TNIK: variants seen among roughly 807,000 people sequenced by gnomAD.
TNIK encodes the protein TRAF2 and NCK-interacting protein kinase.
In TNIK, 49 loss-of-function variants were observed where a neutral mutation model predicts 191.3. The observed-to-expected ratio is 0.26, with a 90% CI of 0.20 to 0.32. TNIK has a LOEUF of 0.32. Ranked by LOEUF, TNIK falls within the 10% of genes least tolerant of loss-of-function variation. TNIK has a pLI of 1.00. For synonymous variants in TNIK, 594 were observed against 600.9 expected, an observed-to-expected ratio of 0.99 and a Z score of 0.17; for missense variants, 1,155 against 1,702.3, an observed-to-expected ratio of 0.68 and a Z score of 5.66.
At chr3:171,085,061 G>C in intron 25 of TNIK, 57 bp downstream of exon 25, 2 of 1,389,828 alleles carry the variant, frequency 1.4e-6, no homozygotes, top group East Asian at 2.5e-5. Flanking sequence ...TCCTTATCAG[G>C]TCATACCAGA....
In TNIK at chr3:171,071,441, C is replaced by T. The variant is rs551614689; in HGVS notation, c.3449-118G>A. 413 of 783,358 alleles carry T rather than the reference C, an allele frequency of 5.3e-4. 3 individuals are homozygous for T. The South Asian group carries it at 8.2e-3, about 16-fold the overall frequency. The allele number at this position is 783,358 out of a possible 1,614,324, so 48.5% of individuals were successfully genotyped here. On this transcript the variant is annotated intron_variant, in intron 28 of 32. Coordinates refer to ENST00000436636, the MANE Select transcript of TNIK (RefSeq NM_015028.4). ...TTTAAATATTGATGTTGGGTGTCAG[C>T]TTCATGAAGGTGATATTCCTGGTGT...
intron 2 of TNIK, among the ~76,000 whole-genome samples, chr3:171,288,360 G>T (rs1751280914): frequency 6.6e-6 from 1 of 151,398 alleles, no homozygotes; most frequent in East Asian, 1.9e-4. Flanking sequence ...GGAATGATCA[G>T]TTGAACAATC....
chr3:171,129,752 C>T (rs1393326622), intron 15 of TNIK, among the ~76,000 whole-genome samples: 1 of 152,216 alleles, frequency 6.6e-6, no homozygotes, highest in African/African-American at 2.4e-5. Context: ...CAGTGAATGC[C>T]CTTTCTAAAC....
chr3:171,177,147 G>C (rs1295798095), intron 8 of TNIK, among the ~76,000 whole-genome samples, 179 bp downstream of exon 8: 1 of 150,310 alleles, frequency 6.7e-6, no homozygotes, highest in Non-Finnish European at 1.5e-5. Flanking sequence ...TTCTCCCACT[G>C]CTCTGAAATG....
chr3:171,432,863 C>T (rs1282352246), intron 1 of TNIK, among the ~76,000 whole-genome samples: 1 of 152,026 alleles, frequency 6.6e-6, no homozygotes, highest in African/African-American at 2.4e-5. Flanking sequence ...CATGTAATGA[C>T]CAATTTAATG....
chr3:171,253,511 T>G (rs185893091), intron 2 of TNIK, among the ~76,000 whole-genome samples: 1 of 151,758 alleles, frequency 6.6e-6, no homozygotes, highest in African/African-American at 2.4e-5. Flanking sequence ...CCCTTTAAGC[T>G]TGTGACCAAA....
chr3:171,361,900 G>A (rs146012720), intron 2 of TNIK, among the ~76,000 whole-genome samples: 188 of 152,226 alleles, frequency 1.2e-3, no homozygotes, highest in Admixed American at 2.0e-3. Flanking sequence ...TTTTACAGAT[G>A]AGAACAACTG....
At chr3:171,254,975 T>C (rs761735824) in intron 2 of TNIK, among the ~76,000 whole-genome samples, 13 of 152,228 alleles carry the variant, frequency 8.5e-5, no homozygotes, top group Admixed American at 3.9e-4. Context: ...ATTTAGCATG[T>C]AGATTAATCA....
At chr3:171,331,312 G>T (rs1311296196) in intron 2 of TNIK, among the ~76,000 whole-genome samples, 1 of 152,204 alleles carries the variant, frequency 6.6e-6, no homozygotes, top group East Asian at 1.9e-4. Flanking sequence ...ATATGGCAAA[G>T]AGAGCCCTGT....
At chr3:171,446,821 A>C (rs377521064) in intron 1 of TNIK, among the ~76,000 whole-genome samples, 1 of 152,254 alleles carries the variant, frequency 6.6e-6, no homozygotes, top group East Asian at 1.9e-4. Flanking sequence ...TTCTTAAAAA[A>C]CTGAAACCTT....
In TNIK at chr3:171,212,663, A is replaced by G. The variant is rs1740979703; in HGVS notation, c.181-1422T>C. 2.6e-5 allele frequency among the ~76,000 whole-genome samples: 4 copies of G among 152,186 alleles called. No individual in the cohort carries two copies. In the South Asian group the frequency reaches 8.3e-4, roughly 31 times the overall value. ...CTCCTCTCCTTATCAGTCGGTAAGA[A>G]CCGTAAACTCAGGAATCCTCCCTGT... On this transcript the variant is annotated intron_variant, in intron 3 of 32. Coordinates refer to ENST00000436636, the MANE Select transcript of TNIK (RefSeq NM_015028.4).
At chr3:171,174,486 G>C (rs1407106904) in intron 9 of TNIK, among the ~76,000 whole-genome samples, 1 of 152,134 alleles carries the variant, frequency 6.6e-6, no homozygotes, top group Non-Finnish European at 1.5e-5. Flanking sequence ...AGGAAGCAAT[G>C]AATTTTGGTT....
intron 2 of TNIK, among the ~76,000 whole-genome samples, chr3:171,341,883 A>G (rs1163211226): frequency 6.6e-6 from 1 of 152,206 alleles, no homozygotes; most frequent in Admixed American, 6.5e-5. Context: ...AGCTATTGCT[A>G]GAAGTTTGCA....
intron 16 of TNIK, among the ~76,000 whole-genome samples, chr3:171,126,417 G>A (rs1051711143): frequency 2.6e-5 from 4 of 152,206 alleles, no homozygotes; most frequent in East Asian, 1.9e-4. Flanking sequence ...AATAACTACT[G>A]TATATTTAGT....
intron 1 of TNIK, among the ~76,000 whole-genome samples, chr3:171,409,692 C>T (rs1251811575): frequency 6.7e-6 from 1 of 150,318 alleles, no homozygotes; most frequent in Non-Finnish European, 1.5e-5. Context: ...ACCTCATTCC[C>T]GTCCTCCCCA....
At chr3:171,293,429 A>C (rs1031487590) in intron 2 of TNIK, among the ~76,000 whole-genome samples, 1 of 152,230 alleles carries the variant, frequency 6.6e-6, no homozygotes, top group South Asian at 2.1e-4. Flanking sequence ...CAGATGACTT[A>C]AGGTGACTGA....
intron 2 of TNIK, among the ~76,000 whole-genome samples, chr3:171,290,509 G>A (rs893696096): frequency 6.6e-6 from 1 of 152,166 alleles, no homozygotes; most frequent in Non-Finnish European, 1.5e-5. Context: ...TGTGAGAAAT[G>A]GCAATTATTA....
intron 2 of TNIK, chr3:171,346,917 T>C: frequency 2.3e-6 from 1 of 439,398 alleles, no homozygotes; most frequent in East Asian, 3.8e-5. Context: ...CAAAAGGTTT[T>C]AAACAGGAGA....
At chr3:171,173,975 G>T (rs773278775) in intron 9 of TNIK, among the ~76,000 whole-genome samples, 1 of 152,156 alleles carries the variant, frequency 6.6e-6, no homozygotes, top group African/African-American at 2.4e-5. Flanking sequence ...GACACCCAAT[G>T]GGAGGGCTGT....
Sources: allele counts gnomAD v4.1 joint callset (sites outside exome capture counted in the v4.1 genomes callset), GRCh38; gene constraint gnomAD v4.1.1; transcripts MANE v1.5; gene names NCBI Gene and HGNC (gene_info 2026-07-23, HGNC 2026-07-21).